Variants in ROBO2 observed in about 807,000 individuals in gnomAD.
The protein encoded by ROBO2 is roundabout homolog 2.
Under a neutral mutation model 160.8 loss-of-function variants are expected in ROBO2, and 53 were observed. The observed-to-expected ratio is 0.33, with a 90% CI of 0.26 to 0.41. The LOEUF (loss-of-function observed/expected upper bound fraction) is 0.41. ROBO2 is among the 10% of genes least tolerant of loss of function. The pLI is 1.00. For missense variants in ROBO2, 1,577 were observed against 1,722.4 expected (o/e 0.92, Z 1.49); for synonymous variants, 664 against 611.7 (o/e 1.09, Z -1.26).
chr3:77,504,779 G>A (rs978327072), intron 5 of ROBO2, among the ~76,000 whole-genome samples: 1 of 152,156 alleles, frequency 6.6e-6, no homozygotes, highest in African/African-American at 2.4e-5. Flanking sequence ...GATTTTAGTA[G>A]GTAGTGTGAG....
intron 2 of ROBO2, among the ~76,000 whole-genome samples, chr3:76,102,366 G>C (rs1049867709): frequency 2.0e-5 from 3 of 151,982 alleles, no homozygotes; most frequent in Non-Finnish European, 4.4e-5. Flanking sequence ...GTAAAATTTC[G>C]AAGGACATTT....
intron 2 of ROBO2, among the ~76,000 whole-genome samples, chr3:77,139,548 C>T (rs563790832): frequency 6.6e-6 from 1 of 152,284 alleles, no homozygotes; most frequent in East Asian, 1.9e-4. Flanking sequence ...CATCCTTCAT[C>T]ACTTGTCTGA....
chr3:75,990,522 C>T (rs1278987827), intron 2 of ROBO2, among the ~76,000 whole-genome samples: 1 of 152,054 alleles, frequency 6.6e-6, no homozygotes, highest in Non-Finnish European at 1.5e-5. Context: ...TTAATTTTGC[C>T]TAGGGTTCAA....
intron 2 of ROBO2, among the ~76,000 whole-genome samples, chr3:76,536,392 A>G (rs1392192452): frequency 6.6e-6 from 1 of 152,126 alleles, no homozygotes; most frequent in East Asian, 1.9e-4. Flanking sequence ...GCATATTAAG[A>G]ATAAGACGGC....
At chr3:77,221,200 G>A (rs1448936497) in intron 2 of ROBO2, among the ~76,000 whole-genome samples, 3 of 152,140 alleles carry the variant, frequency 2.0e-5, no homozygotes, top group East Asian at 3.9e-4. Context: ...GGCACCCTCT[G>A]CCAGTGCTGT....
At chr3:77,116,097 TG>T (rs1281180334) in intron 2 of ROBO2, among the ~76,000 whole-genome samples, 1 of 152,214 alleles carries the variant, frequency 6.6e-6, no homozygotes, top group Non-Finnish European at 1.5e-5. Flanking sequence ...ACTTAATACC[TG>T]AAATGCTCTT....
intron 2 of ROBO2, among the ~76,000 whole-genome samples, chr3:77,450,478 T>A (rs1048770488): frequency 6.6e-6 from 1 of 152,050 alleles, no homozygotes; most frequent in South Asian, 2.1e-4. Context: ...TGATAAGTGA[T>A]GTGAGTTTTA....
At chr3:76,074,136 C>T (rs2068566475) in intron 2 of ROBO2, among the ~76,000 whole-genome samples, 1 of 151,832 alleles carries the variant, frequency 6.6e-6, no homozygotes, top group Non-Finnish European at 1.5e-5. Context: ...AGCTGAGGCT[C>T]CAGGTCCATG....
chr3:76,738,158 G>A (rs1195396404), intron 2 of ROBO2, among the ~76,000 whole-genome samples: 1 of 151,978 alleles, frequency 6.6e-6, no homozygotes, highest in Non-Finnish European at 1.5e-5. Flanking sequence ...ATAAAAAAAA[G>A]AGAAGAAAGG....
At chr3:76,873,585 C>G (rs377184964) in intron 2 of ROBO2, among the ~76,000 whole-genome samples, 3 of 151,960 alleles carry the variant, frequency 2.0e-5, no homozygotes, top group Admixed American at 6.6e-5. Flanking sequence ...TCGTCGTCGT[C>G]GTCGTTGTCG....
chr3:76,503,993 T>C (rs2080628747), intron 2 of ROBO2, among the ~76,000 whole-genome samples: 1 of 152,248 alleles, frequency 6.6e-6, no homozygotes, highest in Non-Finnish European at 1.5e-5. Context: ...TAAGCTCAGA[T>C]TTGCTCTTTC....
At chr3:77,189,128 C>T (rs1272151839) in intron 2 of ROBO2, among the ~76,000 whole-genome samples, 5 of 151,810 alleles carry the variant, frequency 3.3e-5, no homozygotes, top group Non-Finnish European at 5.9e-5. Flanking sequence ...GAACCCTTCT[C>T]ACAGATTATC....
intron 2 of ROBO2, among the ~76,000 whole-genome samples, chr3:75,957,463 G>A (rs1379209605): frequency 6.7e-6 from 1 of 150,286 alleles, no homozygotes; most frequent in Non-Finnish European, 1.5e-5. Flanking sequence ...AAATATTTAT[G>A]CTAAGCTTTC....
At chr3:77,451,305 T>A (rs1218558424) in intron 2 of ROBO2, among the ~76,000 whole-genome samples, 2 of 152,136 alleles carry the variant, frequency 1.3e-5, no homozygotes, top group African/African-American at 4.8e-5. Context: ...ACCACATTTT[T>A]AATTTATTTA....
At chr3:77,615,120 T>C (rs945642917) in intron 21 of ROBO2, among the ~76,000 whole-genome samples, 2 of 152,286 alleles carry the variant, frequency 1.3e-5, no homozygotes, top group South Asian at 2.1e-4. Flanking sequence ...AATTGTATGC[T>C]CTGTGAAATA....
chr3:76,259,380 T>A (rs191424939), intron 2 of ROBO2, among the ~76,000 whole-genome samples: 1 of 152,258 alleles, frequency 6.6e-6, no homozygotes, highest in East Asian at 1.9e-4. Context: ...TCTGGGCAGA[T>A]ACAAGACTAA....
At chr3:76,056,560 A>G (rs1287116473) in intron 2 of ROBO2, among the ~76,000 whole-genome samples, 2 of 152,152 alleles carry the variant, frequency 1.3e-5, no homozygotes, top group African/African-American at 4.8e-5. Flanking sequence ...GCCTGTTTAT[A>G]GAGGAGTTTA....
At position 76,936,651 on chromosome 3, in the gene ROBO2, A is replaced by C. The variant is rs13323102; in HGVS notation, c.110-161363A>C. The stretch of plus-strand genomic sequence containing the variant: ...GTTTTCTTTATAAATACACATGTTT[A>C]CTATATATAAATGTTTCCAGATATG... On this transcript the variant is annotated intron_variant, in intron 2 of 26. Transcript: ENST00000487694. Among the ~76,000 whole-genome samples the C allele has an allele frequency of 7.1e-3, 1,034 of 145,420 alleles. 15 individuals carry two copies. Among genetic ancestry groups the C allele is most frequent in the African/African-American group, 0.026 (993 of 38,882 alleles).
chr3:76,068,496 T>A (rs2068337212), intron 2 of ROBO2, among the ~76,000 whole-genome samples: 1 of 152,206 alleles, frequency 6.6e-6, no homozygotes, highest in Non-Finnish European at 1.5e-5. Context: ...TCTACCTGTG[T>A]GCCAGACCCT....
Sources: allele counts gnomAD v4.1 joint callset (sites outside exome capture counted in the v4.1 genomes callset), GRCh38; gene constraint gnomAD v4.1.1; transcripts MANE v1.5; gene names NCBI Gene and HGNC (gene_info 2026-07-23, HGNC 2026-07-21).